TMEM132D: variants seen among roughly 807,000 people sequenced by gnomAD.
TMEM132D encodes transmembrane protein 132D, also known as mature OL transmembrane protein.
Under a neutral mutation model 62.3 loss-of-function variants are expected in TMEM132D, and 21 were observed. That is an observed-to-expected ratio of 0.34 (90% CI 0.24 to 0.49). The LOEUF (loss-of-function observed/expected upper bound fraction) is 0.49, where lower values mean the gene tolerates loss of function less well. Among genes scored for constraint, TMEM132D ranks in the 20% least tolerant of loss-of-function variants. The pLI, the probability that TMEM132D is intolerant of heterozygous loss-of-function variation, is 0.99. For missense variants in TMEM132D, 1,346 were observed against 1,402.8 expected (o/e 0.96, Z 0.65); for synonymous variants, 621 against 575.6 (o/e 1.08, Z -1.13).
At chr12:129,774,271 C>T (rs988149750) in intron 1 of TMEM132D, among the ~76,000 whole-genome samples, 1 of 152,222 alleles carries the variant, frequency 6.6e-6, no homozygotes, top group African/African-American at 2.4e-5. Flanking sequence ...CTCTGCCTCT[C>T]TGAGGACTTG....
intron 2 of TMEM132D, among the ~76,000 whole-genome samples, chr12:129,573,430 C>T (rs972996775): frequency 6.6e-6 from 1 of 152,156 alleles, no homozygotes; most frequent in Non-Finnish European, 1.5e-5. Flanking sequence ...GCTTGTGGAG[C>T]ATCCACCATG....
At chr12:129,693,829 A>G (rs1006573100) in intron 2 of TMEM132D, among the ~76,000 whole-genome samples, 26 of 152,156 alleles carry the variant, frequency 1.7e-4, no homozygotes, top group African/African-American at 5.3e-4. Context: ...CTAATGAGAC[A>G]TGCGATGTAT....
chr12:129,845,401 G>C (rs1424007649), intron 1 of TMEM132D, among the ~76,000 whole-genome samples: 1 of 152,142 alleles, frequency 6.6e-6, no homozygotes, highest in Non-Finnish European at 1.5e-5. Flanking sequence ...TTTTACATTA[G>C]TCAGAAATAA....
intron 4 of TMEM132D, among the ~76,000 whole-genome samples, chr12:129,264,911 G>A (rs941884366): frequency 2.0e-5 from 3 of 152,138 alleles, no homozygotes; most frequent in African/African-American, 4.8e-5. Flanking sequence ...TTGGGAACTT[G>A]GGGGTAAGAG....
intron 2 of TMEM132D, among the ~76,000 whole-genome samples, chr12:129,691,668 T>G (rs1224991084): frequency 2.0e-5 from 3 of 152,178 alleles, no homozygotes; most frequent in Admixed American, 2.0e-4. Context: ...ATGAATATGT[T>G]AATTAGCTAA....
intron 2 of TMEM132D, among the ~76,000 whole-genome samples, chr12:129,690,292 A>G (rs1881032729): frequency 1.3e-5 from 2 of 152,078 alleles, no homozygotes; most frequent in Admixed American, 6.5e-5. Flanking sequence ...GCAGATACAG[A>G]ACAAAGAACA....
chr12:129,441,335 G>C (rs528895545), intron 3 of TMEM132D, among the ~76,000 whole-genome samples: 5 of 152,282 alleles, frequency 3.3e-5, no homozygotes, highest in Admixed American at 6.5e-5. Flanking sequence ...GTAGACCCAG[G>C]TGTTGCCCGC....
At chr12:129,150,976 T>C (rs1350068159) in intron 5 of TMEM132D, among the ~76,000 whole-genome samples, 1 of 152,206 alleles carries the variant, frequency 6.6e-6, no homozygotes, top group East Asian at 1.9e-4. Context: ...TCCCCTGCCC[T>C]GAGTGGCTGC....
At chr12:129,097,832 T>A (rs1875165789) in intron 5 of TMEM132D, among the ~76,000 whole-genome samples, 1 of 152,248 alleles carries the variant, frequency 6.6e-6, no homozygotes, top group Non-Finnish European at 1.5e-5. Context: ...AAAACACATA[T>A]TTTTGGGTAA....
At chr12:129,760,923 G>T (rs1198149578) in intron 1 of TMEM132D, among the ~76,000 whole-genome samples, 4 of 151,878 alleles carry the variant, frequency 2.6e-5, no homozygotes, top group African/African-American at 9.7e-5. Context: ...TTGGTTTTCT[G>T]TTCCTGTGTT....
At chr12:129,316,799 T>C (rs1195213637) in intron 4 of TMEM132D, among the ~76,000 whole-genome samples, 1 of 146,174 alleles carries the variant, frequency 6.8e-6, no homozygotes, top group Non-Finnish European at 1.6e-5. Context: ...TTAGGTCTAT[T>C]AGTAATTGTT....
At chr12:129,822,155 A>G (rs558811374) in intron 1 of TMEM132D, among the ~76,000 whole-genome samples, 2 of 152,124 alleles carry the variant, frequency 1.3e-5, no homozygotes, top group Non-Finnish European at 2.9e-5. Flanking sequence ...TGGAAGAGTC[A>G]GCCATGGAGA....
intron 5 of TMEM132D, among the ~76,000 whole-genome samples, chr12:129,102,198 T>A (rs1316831301): frequency 1.3e-5 from 2 of 152,204 alleles, no homozygotes; most frequent in African/African-American, 2.4e-5. Flanking sequence ...GCTGCATTCA[T>A]GAATCAGGCC....
chr12:129,350,585 G>C (rs898928328), intron 3 of TMEM132D, among the ~76,000 whole-genome samples: 1 of 152,214 alleles, frequency 6.6e-6, no homozygotes, highest in Non-Finnish European at 1.5e-5. Flanking sequence ...TTGGGTATAA[G>C]TTGGAATCAG....
chr12:129,862,926 T>C (rs1873942269), intron 1 of TMEM132D, among the ~76,000 whole-genome samples: 1 of 151,614 alleles, frequency 6.6e-6, no homozygotes. Context: ...CACAACATGC[T>C]TTGCATGTTG....
intron 3 of TMEM132D, among the ~76,000 whole-genome samples, chr12:129,490,249 C>G (rs1391159253): frequency 2.6e-5 from 4 of 152,120 alleles, no homozygotes; most frequent in African/African-American, 2.4e-5. Context: ...AAAAACTCTT[C>G]TACATCCATC....
intron 3 of TMEM132D, among the ~76,000 whole-genome samples, chr12:129,384,767 C>T (rs563105286): frequency 7.2e-5 from 11 of 152,240 alleles, no homozygotes; most frequent in South Asian, 2.1e-4. Context: ...CACACGTACG[C>T]GACAGTCTGT....
At chr12:129,362,976 T>C (rs1190322026) in intron 3 of TMEM132D, among the ~76,000 whole-genome samples, 2 of 152,216 alleles carry the variant, frequency 1.3e-5, no homozygotes, top group Non-Finnish European at 2.9e-5. Flanking sequence ...TTGACTTAGT[T>C]CTCAAGAATT....
At chr12:129,684,879 G>A (rs1185856748) in intron 2 of TMEM132D, among the ~76,000 whole-genome samples, 1 of 152,124 alleles carries the variant, frequency 6.6e-6, no homozygotes, top group Non-Finnish European at 1.5e-5. Context: ...AAAGAGACTG[G>A]TGGCTGTTTT....
Sources: allele counts gnomAD v4.1 joint callset (sites outside exome capture counted in the v4.1 genomes callset), GRCh38; gene constraint gnomAD v4.1.1; transcripts MANE v1.5; gene names NCBI Gene and HGNC (gene_info 2026-07-23, HGNC 2026-07-21).